RFX8: variants seen among roughly 807,000 people sequenced by gnomAD.
RFX8 encodes the protein regulatory factor X8.
A neutral mutation model predicts 54.6 loss-of-function variants in RFX8; 46 were observed. The observed-to-expected ratio is 0.84, with a 90% CI of 0.67 to 1.08. The LOEUF is 1.08. RFX8 is among the 50% of genes least tolerant of loss of function. The pLI, the probability that RFX8 is intolerant of heterozygous loss-of-function variation, is 0.00. For missense variants in RFX8, 536 were observed against 562.3 expected, an observed-to-expected ratio of 0.95 and a Z score of 0.47; for synonymous variants, 192 against 209.5, an observed-to-expected ratio of 0.92 and a Z score of 0.72.
chr2:101,400,290 A>G (rs1342096385), intron 11 of RFX8, among the ~76,000 whole-genome samples: 2 of 152,156 alleles, frequency 1.3e-5, no homozygotes, highest in Non-Finnish European at 2.9e-5. Context: ...TATAAAATCC[A>G]GTTTTAGCAA....
At position 101,450,520 on chromosome 2, in the gene RFX8, A is replaced by G. The variant is rs536297895; in HGVS notation, c.72+16257T>C. 4.5e-4 allele frequency: 332 copies of G among 732,686 alleles called. 1 individual carries two copies. The African/African-American group carries it at 5.3e-3, about 12-fold the overall frequency. The allele number at this position is 732,686 out of a possible 1,614,324, so 45.4% of individuals were successfully genotyped here. A position where few individuals can be genotyped will look rare whatever the true frequency, so the allele number is the denominator to read the frequency against. ...TGGGATTACAGGCGTGAGCCACCACACTTGGCCTGAATGGTTCTAACATTC... is the reference window on the plus strand; with the variant it reads ...TGGGATTACAGGCGTGAGCCACCACGCTTGGCCTGAATGGTTCTAACATTC... On this transcript the variant is annotated intron_variant, in intron 2 of 11. Coordinates refer to ENST00000428343, the MANE Select transcript of RFX8 (RefSeq NM_001145664.2).
At chr2:101,464,220 A>T (rs1689444551) in intron 2 of RFX8, among the ~76,000 whole-genome samples, 1 of 152,164 alleles carries the variant, frequency 6.6e-6, no homozygotes, top group Admixed American at 6.6e-5. Context: ...GCCGGCATTC[A>T]TTTTCTTCTT....
chr2:101,466,992 G>A (rs1027393848), intron 1 of RFX8, 92 bp from the exon 2 acceptor site: 23 of 658,864 alleles, frequency 3.5e-5, no homozygotes, highest in East Asian at 2.4e-4. Flanking sequence ...ATGTGTATGA[G>A]GTTCCAATAA....
chr2:101,457,280 T>C (rs1006371049), intron 2 of RFX8, among the ~76,000 whole-genome samples: 1 of 152,206 alleles, frequency 6.6e-6, no homozygotes, highest in Admixed American at 6.5e-5. Flanking sequence ...GCTTCTCTAG[T>C]TCTTTTAATT....
chr2:101,433,289 C>CTTA (rs1262025110), intron 2 of RFX8, among the ~76,000 whole-genome samples: 1 of 152,104 alleles, frequency 6.6e-6, no homozygotes, highest in Non-Finnish European at 1.5e-5. Flanking sequence ...TCCCCCAGGT[C>CTTA]TTACACAATG....
At chr2:101,417,241 A>G (rs1686578672) in intron 6 of RFX8, among the ~76,000 whole-genome samples, 1 of 152,168 alleles carries the variant, frequency 6.6e-6, no homozygotes, top group Admixed American at 6.5e-5. Flanking sequence ...GTCTTGCTCC[A>G]TCACCCAGGC....
At chr2:101,460,323 C>T (rs982398072) in intron 2 of RFX8, among the ~76,000 whole-genome samples, 8 of 152,090 alleles carry the variant, frequency 5.3e-5, no homozygotes, top group Non-Finnish European at 1.2e-4. Flanking sequence ...TGTCTTTCTG[C>T]GTCGATCTCA....
chr2:101,440,966 ATT>A (rs70946645), intron 2 of RFX8, among the ~76,000 whole-genome samples: 37 of 113,456 alleles, frequency 3.3e-4, no homozygotes, highest in Admixed American at 8.6e-4. Flanking sequence ...CCATGTTGAA[ATT>A]TTTTTTTTTT....
chr2:101,417,774 A>T, intron 5 of RFX8, 90 bp from the exon 6 acceptor site: 1 of 1,137,886 alleles, frequency 8.8e-7, no homozygotes, highest in South Asian at 1.8e-5. Flanking sequence ...GGCGGGTCTC[A>T]AGAAGTCTGA....
intron 2 of RFX8, among the ~76,000 whole-genome samples, chr2:101,428,157 G>A (rs1261276112): frequency 6.6e-6 from 1 of 152,150 alleles, no homozygotes; most frequent in Admixed American, 6.5e-5. Context: ...AGCCGGCGTG[G>A]TTGCAGGCAC....
At position 101,410,640 on chromosome 2, in the gene RFX8, A is replaced by T; in HGVS notation, c.792T>A (p.His264Gln). The T allele has an allele frequency of 1.3e-6, 2 of 1,537,358 alleles. No homozygotes were observed. Among genetic ancestry groups the T allele is most frequent in the South Asian group, 1.2e-5 (1 of 82,922 alleles). The change falls in exon 9 of 12, where the codon CAT becomes CAA. Residue 264 changes from histidine (H) to glutamine (Q), a missense_variant. Physicochemically the swap from His to Gln is conservative, Grantham distance 24 (BLOSUM62 0). Coordinates refer to ENST00000428343, the MANE Select transcript of RFX8 (RefSeq NM_001145664.2). Reference sequence around the variant, plus strand: ...CTACCTGGAACACAAATGCTTGGAGATGTGAAGACAGACAGCTGAGGAATA... The same window carrying T: ...CTACCTGGAACACAAATGCTTGGAGTTGTGAAGACAGACAGCTGAGGAATA... ...LRVFLSCLSS[H>Q]LQAFVFQTSR...
At chr2:101,472,455 G>T (rs532980807) in intron 1 of RFX8, among the ~76,000 whole-genome samples, 2 of 152,134 alleles carry the variant, frequency 1.3e-5, no homozygotes, top group Admixed American at 1.3e-4. Flanking sequence ...CTAAAGAAAA[G>T]TCCTCCCCAA....
At chr2:101,440,562 T>C (rs557735702) in intron 2 of RFX8, among the ~76,000 whole-genome samples, 1 of 152,306 alleles carries the variant, frequency 6.6e-6, no homozygotes, top group African/African-American at 2.4e-5. Context: ...GTGAACTTTG[T>C]ATGATCCCTC....
intron 2 of RFX8, among the ~76,000 whole-genome samples, chr2:101,455,648 G>A (rs1379796628): frequency 2.6e-5 from 4 of 152,162 alleles, no homozygotes; most frequent in Non-Finnish European, 5.9e-5. Flanking sequence ...GTCAGGTAGT[G>A]TGATGCCTCC....
chr2:101,410,391 T>A lies in RFX8; in HGVS notation c.813+228A>T, dbSNP rs201978638. ...CACACACCCAAACATATGCCCACACTCACACACACACACACACACACACAC... is the reference window on the plus strand; with the variant it reads ...CACACACCCAAACATATGCCCACACACACACACACACACACACACACACAC... On this transcript the variant is annotated intron_variant, in intron 9 of 11. Coordinates refer to ENST00000428343, the MANE Select transcript of RFX8 (RefSeq NM_001145664.2). 2.9e-3 allele frequency among the ~76,000 whole-genome samples: 341 copies of A among 119,640 alleles called. 1 individual carries two copies. Among genetic ancestry groups the A allele is most frequent in the African/African-American group, 9.2e-3 (322 of 34,976 alleles). 78.5% of individuals were successfully genotyped at this position (119,640 alleles called of 152,430 possible). A position where few individuals can be genotyped will look rare whatever the true frequency, so the allele number is the denominator to read the frequency against.
rs1476799560 is a variant in RFX8, at chr2:101,410,623, A to G, written c.809T>C (p.Phe270Ser). The G allele has an allele frequency of 2.7e-6, 4 of 1,508,950 alleles. No homozygotes were observed. The highest frequency in any genetic ancestry group is 2.7e-6 in the Non-Finnish European group (3 of 1,112,186). The allele number at this position is 1,508,950 out of a possible 1,614,324, so 93.5% of individuals were successfully genotyped here. Residue 270 changes from phenylalanine (F) to serine (S), a missense_variant, in exon 9 of 12, where the codon TTC (phenylalanine) becomes TCC (serine). Phe to Ser is a radical substitution (Grantham distance 155). Coordinates refer to ENST00000428343, the MANE Select transcript of RFX8 (RefSeq NM_001145664.2). Reference protein sequence around the residue: ...CLSSHLQAFVFQTSRSKEEFT... With the variant: ...CLSSHLQAFVSQTSRSKEEFT... ...TTTTAAGTCACAGCTTCCTACCTGG[A>G]ACACAAATGCTTGGAGATGTGAAGA...
At chr2:101,446,296 C>T (rs997035144) in intron 2 of RFX8, among the ~76,000 whole-genome samples, 1 of 152,176 alleles carries the variant, frequency 6.6e-6, no homozygotes, top group Non-Finnish European at 1.5e-5. Flanking sequence ...CTGCCTCAGC[C>T]TCCCAAGTAG....
chr2:101,399,667 T>C (rs780330381), intron 11 of RFX8, among the ~76,000 whole-genome samples: 1 of 152,156 alleles, frequency 6.6e-6, no homozygotes, highest in South Asian at 2.1e-4. Context: ...TTCTAGGAAA[T>C]AGTCTAAGCA....
chr2:101,453,903 T>C (rs1478971011), intron 2 of RFX8, among the ~76,000 whole-genome samples: 1 of 152,168 alleles, frequency 6.6e-6, no homozygotes, highest in African/African-American at 2.4e-5. Flanking sequence ...TTTCACTTTT[T>C]AAATTATTAT....
Sources: allele counts gnomAD v4.1 joint callset (sites outside exome capture counted in the v4.1 genomes callset), GRCh38; gene constraint gnomAD v4.1.1; transcripts MANE v1.5; gene names NCBI Gene and HGNC (gene_info 2026-07-23, HGNC 2026-07-21).